NCOA1: variants seen among roughly 807,000 people sequenced by gnomAD.
The protein encoded by NCOA1 is nuclear receptor coactivator 1.
In NCOA1, 35 loss-of-function variants were observed where a neutral mutation model predicts 150.9. That is an observed-to-expected ratio of 0.23 (90% CI 0.18 to 0.31). The LOEUF is 0.31. NCOA1 is among the 10% of genes least tolerant of loss of function. The pLI, the probability that NCOA1 is intolerant of heterozygous loss-of-function variation, is 1.00. For synonymous variants in NCOA1, 590 were observed against 630.0 expected (o/e 0.94, Z 0.95); for missense variants, 1,491 against 1,749.3 (o/e 0.85, Z 2.63).
intron 4 of NCOA1, among the ~76,000 whole-genome samples, chr2:24,648,886 C>T (rs1670592858): frequency 6.6e-6 from 1 of 151,828 alleles, no homozygotes; most frequent in Admixed American, 6.6e-5. Flanking sequence ...GGACTGAATT[C>T]TTTATTTTAG....
At chr2:24,511,360 T>C (rs185287425) in intron 1 of NCOA1, among the ~76,000 whole-genome samples, 7 of 152,320 alleles carry the variant, frequency 4.6e-5, no homozygotes, top group African/African-American at 1.2e-4. Flanking sequence ...CAAAACTGTT[T>C]TACAAAGTGG....
At chr2:24,517,093 G>A (rs1372426908) in intron 1 of NCOA1, among the ~76,000 whole-genome samples, 13 of 145,854 alleles carry the variant, frequency 8.9e-5, no homozygotes, top group African/African-American at 3.2e-4. Flanking sequence ...TAAGGCTAGT[G>A]CATAATCTCT....
intron 3 of NCOA1, among the ~76,000 whole-genome samples, chr2:24,629,367 T>C (rs2148426976): frequency 6.6e-6 from 1 of 152,140 alleles, no homozygotes; most frequent in Non-Finnish European, 1.5e-5. Flanking sequence ...TACAGACTTG[T>C]AAACACACAG....
intron 6 of NCOA1, 67 bp from the exon 7 acceptor site, chr2:24,673,299 G>A (rs560623646): frequency 5.1e-5 from 59 of 1,149,850 alleles, no homozygotes; most frequent in East Asian, 8.1e-5. Flanking sequence ...CTATGTCTTC[G>A]TAAACTTGAC....
At chr2:24,567,691 A>G (rs1666571396) in intron 2 of NCOA1, among the ~76,000 whole-genome samples, 1 of 152,366 alleles carries the variant, frequency 6.6e-6, no homozygotes, top group East Asian at 1.9e-4. Context: ...AATTGGTTGT[A>G]TAAAAGTGCC....
intron 10 of NCOA1, 25 bp from the exon 11 acceptor site, chr2:24,697,633 A>G: frequency 6.3e-7 from 1 of 1,579,050 alleles, no homozygotes; most frequent in Non-Finnish European, 8.7e-7. Context: ...GCTGTTATAA[A>G]TATAAACTTT....
intron 2 of NCOA1, among the ~76,000 whole-genome samples, chr2:24,578,311 T>C (rs1036668701): frequency 6.6e-6 from 1 of 152,138 alleles, no homozygotes; most frequent in Non-Finnish European, 1.5e-5. Context: ...ATGGTTGACC[T>C]TTTTAAATTG....
intron 18 of NCOA1, among the ~76,000 whole-genome samples, chr2:24,740,737 T>C (rs985315648): frequency 1.3e-5 from 2 of 152,192 alleles, no homozygotes; most frequent in African/African-American, 2.4e-5. Flanking sequence ...TCAGGAGTAA[T>C]TAGGTTGTAA....
At chr2:24,682,296 G>T (rs1034000429) in intron 7 of NCOA1, among the ~76,000 whole-genome samples, 1 of 152,080 alleles carries the variant, frequency 6.6e-6, no homozygotes, top group Non-Finnish European at 1.5e-5. Context: ...GCTCTTCCTC[G>T]GGATACCAGG....
At chr2:24,645,377 C>T (rs1207500208) in intron 4 of NCOA1, among the ~76,000 whole-genome samples, 1 of 151,260 alleles carries the variant, frequency 6.6e-6, no homozygotes, top group Admixed American at 6.6e-5. Flanking sequence ...GTGGTGGGCG[C>T]CTGTAGTCCT....
At chr2:24,563,663 G>A (rs1666382102) in intron 1 of NCOA1, among the ~76,000 whole-genome samples, 1 of 152,006 alleles carries the variant, frequency 6.6e-6, no homozygotes. Flanking sequence ...GACTACAGGT[G>A]GATGCCACCA....
chr2:24,583,608 G>A (rs904025276), intron 2 of NCOA1, among the ~76,000 whole-genome samples: 12 of 152,040 alleles, frequency 7.9e-5, no homozygotes, highest in African/African-American at 2.9e-4. Flanking sequence ...ATTTATTGCA[G>A]CATATCACAG....
At chr2:24,678,360 T>TGAACATACATAA in intron 7 of NCOA1, among the ~76,000 whole-genome samples, 1 of 152,336 alleles carries the variant, frequency 6.6e-6, no homozygotes, top group Middle Eastern at 3.4e-3. Context: ...CATGTGCATG[T>TGAACATACATAA]ATCTTTATAA....
At chr2:24,540,740 T>C (rs1167180499) in intron 1 of NCOA1, among the ~76,000 whole-genome samples, 1 of 152,196 alleles carries the variant, frequency 6.6e-6, no homozygotes, top group African/African-American at 2.4e-5. Context: ...ATTACAGGTG[T>C]GAGCCACCGC....
intron 11 of NCOA1, among the ~76,000 whole-genome samples, chr2:24,704,550 A>G (rs563599628): frequency 1.3e-5 from 2 of 152,188 alleles, no homozygotes; most frequent in African/African-American, 4.8e-5. Context: ...GCCAAGGTGA[A>G]TGGATCATTT....
intron 1 of NCOA1, among the ~76,000 whole-genome samples, chr2:24,496,142 G>C (rs1663202654): frequency 6.6e-6 from 1 of 152,128 alleles, no homozygotes; most frequent in African/African-American, 2.4e-5. Flanking sequence ...TCTGTGATTT[G>C]TAGGTTTATA....
intron 3 of NCOA1, among the ~76,000 whole-genome samples, chr2:24,634,241 A>G (rs1009201719): frequency 6.6e-6 from 1 of 152,216 alleles, no homozygotes; most frequent in Non-Finnish European, 1.5e-5. Flanking sequence ...AGGCTTGAGT[A>G]TGGGGACTTT....
chr2:24,742,042 T>G lies in NCOA1; in HGVS notation c.3562T>G (p.Ser1188Ala). Residue 1188 changes from serine to alanine, a missense_variant, in exon 19 of 23, where the codon TCA becomes GCA. This residue lies in a region of NCOA1 where 485 missense variants were observed against 522.8 expected (regional missense o/e 0.93). Transcript: ENST00000348332. Reference protein sequence around the residue: ...GTPPASTSPFSQLAANPEASL... With the variant: ...GTPPASTSPFAQLAANPEASL... ...CCCACCTGCTTCTACCAGCCCGTTT[T>G]CACAACTAGCAGCAAATCCTGAAGC... The G allele has an allele frequency of 6.2e-7, 1 of 1,614,198 alleles. No individual in the cohort carries two copies. The highest frequency in any genetic ancestry group is 8.5e-7 in the Non-Finnish European group (1 of 1,180,028).
At chr2:24,607,072 G>A (rs550437431) in intron 3 of NCOA1, among the ~76,000 whole-genome samples, 1 of 152,200 alleles carries the variant, frequency 6.6e-6, no homozygotes, top group African/African-American at 2.4e-5. Context: ...TGAAAGGAAA[G>A]TGGTACTATT....
Sources: allele counts gnomAD v4.1 joint callset (sites outside exome capture counted in the v4.1 genomes callset), GRCh38; gene constraint gnomAD v4.1.1; regional missense constraint gnomAD v4.1.1; transcripts MANE v1.5; gene names NCBI Gene and HGNC (gene_info 2026-07-23, HGNC 2026-07-21).